The following RBFOX3 variants were observed in gnomAD, a reference collection of about 807,000 sequenced individuals.
RBFOX3 encodes the protein RNA binding protein fox-1 homolog 3.
RBFOX3 carries 17 observed loss-of-function variants against 48.7 expected under a neutral mutation model. The ratio of observed to expected loss-of-function variants is 0.35; its 90% confidence interval spans 0.24 to 0.52. The LOEUF is 0.52. RBFOX3 is among the 20% of genes least tolerant of loss of function. The probability of loss-of-function intolerance (pLI) is 0.94; values close to 1 mark genes in which losing one functional copy is unlikely to be tolerated. For synonymous variants in RBFOX3, 212 were observed against 209.5 expected (o/e 1.01, Z -0.10); for missense variants, 382 against 497.5 (o/e 0.77, Z 2.21).
chr17:79,342,140 A>T (rs1051096827), intron 2 of RBFOX3, among the ~76,000 whole-genome samples: 1 of 152,134 alleles, frequency 6.6e-6, no homozygotes, highest in African/African-American at 2.4e-5. Flanking sequence ...CCTTTGCTTT[A>T]TCAGTTTTTA....
Position 79,106,638 on chromosome 17 carries a change from C to T in RBFOX3, c.360+13G>A, listed in dbSNP as rs761274622. The T allele has an allele frequency of 4.8e-6, 7 of 1,454,150 alleles. No individual in the cohort carries two copies. Among genetic ancestry groups the T allele is most frequent in the Admixed American group, 3.2e-5 (1 of 31,442 alleles). The allele number at this position is 1,454,150 out of a possible 1,614,324, so 90.1% of individuals were successfully genotyped here. A position where few individuals can be genotyped will look rare whatever the true frequency, so the allele number is the denominator to read the frequency against. ...GTGTGGAGGGCAGGATGGGTGGGGCCGCGCACACTCACCCCGAACATTTGC... is the reference window on the plus strand; with the variant it reads ...GTGTGGAGGGCAGGATGGGTGGGGCTGCGCACACTCACCCCGAACATTTGC... On this transcript the variant is annotated intron_variant, in intron 6 of 14. Coordinates refer to ENST00000693108, the MANE Select transcript of RBFOX3 (RefSeq NM_001350451.2).
At chr17:79,466,009 A>G (rs529976925) in intron 2 of RBFOX3, among the ~76,000 whole-genome samples, 102 of 152,338 alleles carry the variant, frequency 6.7e-4, no homozygotes, top group Middle Eastern at 3.4e-3. Context: ...CTCCCAGCCC[A>G]GAGGTCGTCT....
At chr17:79,536,312 T>C (rs1490377577) in intron 1 of RBFOX3, among the ~76,000 whole-genome samples, 1 of 152,222 alleles carries the variant, frequency 6.6e-6, no homozygotes, top group African/African-American at 2.4e-5. Flanking sequence ...CCTCAAATGA[T>C]CCACCTGCCT....
chr17:79,491,977 G>A (rs2080745301), intron 1 of RBFOX3, among the ~76,000 whole-genome samples: 1 of 152,172 alleles, frequency 6.6e-6, no homozygotes. Flanking sequence ...AGCTACTCGA[G>A]AGGCAGGAGA....
chr17:79,454,312 G>A (rs1555743392), intron 2 of RBFOX3, among the ~76,000 whole-genome samples: 2 of 152,246 alleles, frequency 1.3e-5, no homozygotes, highest in East Asian at 1.9e-4. Context: ...CTTCCAGGGA[G>A]TCCGAGGCTG....
chr17:79,639,879 GA>G, the RBFOX3 span, among the ~76,000 whole-genome samples: 8 of 152,160 alleles, frequency 5.3e-5, no homozygotes, highest in South Asian at 4.2e-4. Context: ...TAATCAATGG[GA>G]AAAAAACTGA....
chr17:79,134,257 C>T (rs1405181545), intron 4 of RBFOX3, among the ~76,000 whole-genome samples: 1 of 152,256 alleles, frequency 6.6e-6, no homozygotes, highest in Non-Finnish European at 1.5e-5. Flanking sequence ...AATTTCCTGG[C>T]AACGAAGATT....
chr17:79,184,004 C>G, intron 4 of RBFOX3, among the ~76,000 whole-genome samples: 1 of 152,222 alleles, frequency 6.6e-6, no homozygotes, highest in East Asian at 1.9e-4. Context: ...GAGGAGGAGC[C>G]GCTCCGCCGG....
In RBFOX3 at chr17:79,284,543, C is replaced by CTTTTTTTTTT. The variant is rs55731401; in HGVS notation, c.-74+23171_-74+23180dup. On this transcript the variant is annotated intron_variant, in intron 3 of 14. Coordinates refer to ENST00000693108, the MANE Select transcript of RBFOX3 (RefSeq NM_001350451.2). ...AAGCAGGCTTGGGGGAAGAGACTCG[C>CTTTTTTTTTT]TTTTTTTTTTTGACATGGAGTTTTG... Among the ~76,000 whole-genome samples, 869 of 135,750 alleles carry CTTTTTTTTTT rather than the reference C, an allele frequency of 6.4e-3. 37 individuals carry two copies. Among genetic ancestry groups the CTTTTTTTTTT allele is most frequent in the African/African-American group, 0.022 (783 of 35,398 alleles). The allele number at this position is 135,750 out of a possible 152,430, so 89.1% of individuals were successfully genotyped here. A position where few individuals can be genotyped will look rare whatever the true frequency, so the allele number is the denominator to read the frequency against.
At chr17:79,258,581 A>G (rs59123425) in intron 3 of RBFOX3, among the ~76,000 whole-genome samples, 5,360 of 152,270 alleles carry the variant, frequency 0.035, 299 homozygotes, top group African/African-American at 0.12. Flanking sequence ...CAGGGGTCAG[A>G]TCCTGGGCAG....
intron 5 of RBFOX3, among the ~76,000 whole-genome samples, chr17:79,107,446 CAG>C (rs2077596964): frequency 6.6e-6 from 1 of 152,226 alleles, no homozygotes; most frequent in East Asian, 1.9e-4. Context: ...ACTTGGGTCT[CAG>C]GAAACAAAAG....
At chr17:79,548,697 G>A (rs1228874675) in intron 1 of RBFOX3, among the ~76,000 whole-genome samples, 1 of 152,222 alleles carries the variant, frequency 6.6e-6, no homozygotes, top group Non-Finnish European at 1.5e-5. Context: ...CACTCACTAA[G>A]TGGAGAACAG....
intron 4 of RBFOX3, among the ~76,000 whole-genome samples, chr17:79,150,618 G>A (rs1373503015): frequency 6.6e-6 from 1 of 152,144 alleles, no homozygotes; most frequent in Admixed American, 6.5e-5. Flanking sequence ...ACTGAAGTAG[G>A]GGATACCTGA....
At chr17:79,369,167 A>G (rs1431389719) in intron 2 of RBFOX3, among the ~76,000 whole-genome samples, 1 of 152,144 alleles carries the variant, frequency 6.6e-6, no homozygotes, top group Non-Finnish European at 1.5e-5. Flanking sequence ...CTCCAAGCAC[A>G]CGAGCAACGG....
chr17:79,138,460 G>T (rs2040797067), intron 4 of RBFOX3, among the ~76,000 whole-genome samples: 1 of 152,032 alleles, frequency 6.6e-6, no homozygotes, highest in African/African-American at 2.4e-5. Flanking sequence ...CCAAGCTCAT[G>T]CACATACACA....
intron 3 of RBFOX3, among the ~76,000 whole-genome samples, chr17:79,250,521 G>A (rs532929486): frequency 3.3e-5 from 5 of 152,232 alleles, no homozygotes; most frequent in East Asian, 3.9e-4. Flanking sequence ...ATCACTCGGC[G>A]TGGGCAGGAG....
At chr17:79,261,985 C>G (rs940431960) in intron 3 of RBFOX3, among the ~76,000 whole-genome samples, 1 of 152,192 alleles carries the variant, frequency 6.6e-6, no homozygotes, top group Non-Finnish European at 1.5e-5. Flanking sequence ...TGCTGGGCAT[C>G]GGGATCCTTC....
chr17:79,544,993 A>G (rs35239375), intron 1 of RBFOX3, among the ~76,000 whole-genome samples: 2,824 of 149,924 alleles, frequency 0.019, 61 homozygotes, highest in African/African-American at 0.044. Context: ...AAAAAAAAAA[A>G]AGAGAAAGAA....
chr17:79,628,915 G>T, the RBFOX3 span, among the ~76,000 whole-genome samples: 5 of 152,376 alleles, frequency 3.3e-5, no homozygotes, highest in South Asian at 4.1e-4. Flanking sequence ...AGCAACACGA[G>T]GGGGCATGAA....
Sources: allele counts gnomAD v4.1 joint callset (sites outside exome capture counted in the v4.1 genomes callset), GRCh38; gene constraint gnomAD v4.1.1; transcripts MANE v1.5; gene names NCBI Gene and HGNC (gene_info 2026-07-23, HGNC 2026-07-21).